Variants in PLCH1 observed in about 807,000 individuals in gnomAD.
The protein encoded by PLCH1 is phospholipase C eta 1.
A neutral mutation model predicts 126.7 loss-of-function variants in PLCH1; 60 were observed. That is an observed-to-expected ratio of 0.47 (90% confidence interval 0.38 to 0.59). The LOEUF is 0.59. Ranked by LOEUF, PLCH1 falls within the 20% of genes least tolerant of loss-of-function variation. The pLI is 0.00. For synonymous variants in PLCH1, 719 were observed against 734.9 expected, an observed-to-expected ratio of 0.98 and a Z score of 0.35; for missense variants, 1,723 against 2,040.0, an observed-to-expected ratio of 0.84 and a Z score of 2.99.
At chr3:155,622,712 T>C (rs1050880462) in intron 2 of PLCH1, among the ~76,000 whole-genome samples, 1 of 152,018 alleles carries the variant, frequency 6.6e-6, no homozygotes, top group Non-Finnish European at 1.5e-5. Context: ...AGAAGAGCTA[T>C]CTATCCTAAA....
intron 7 of PLCH1, 96 bp downstream of exon 7, chr3:155,568,135 G>A (rs951838454): frequency 1.6e-6 from 1 of 627,048 alleles, no homozygotes; most frequent in Non-Finnish European, 2.9e-6. Context: ...TAATCCCATG[G>A]ATATGTCCTG....
At chr3:155,510,271 C>G (rs1305968028) in intron 12 of PLCH1, among the ~76,000 whole-genome samples, 1 of 103,614 alleles carries the variant, frequency 9.7e-6, no homozygotes, top group Non-Finnish European at 1.8e-5. Flanking sequence ...GATGGGTTTC[C>G]TGAATACAGC....
Position 155,506,224 on chromosome 3 carries a change from G to C in PLCH1, c.1633-1598C>G, listed in dbSNP as rs80000273. ...GAAAAGGAAAGCAGAAATACAGAAA[G>C]TTAGATTATATGCCCAAAGTTACAA... is the stretch of plus-strand genomic sequence containing the variant. On this transcript the variant is annotated intron_variant, in intron 12 of 22. Coordinates refer to ENST00000460012, the MANE Select transcript of PLCH1 (RefSeq NM_014996.4). Among the ~76,000 whole-genome samples the C allele has an allele frequency of 6.0e-3, 914 of 152,080 alleles. 9 individuals carry two copies. The highest frequency in any genetic ancestry group is 0.02 in the African/African-American group (849 of 41,516).
rs1371564658 is a variant in PLCH1 at position 155,662,373 on chromosome 3, TAGG to T, written c.79+41770_79+41772del. On this transcript the variant is annotated intron_variant, in intron 2 of 22. Transcript: ENST00000460012. Reference sequence around the variant, plus strand: ...GTTCCAGCTACTTGGGTGGCTGAAGTAGGAGAATAGTTTGAGCCCAGGAGTTAG... The same window carrying T: ...GTTCCAGCTACTTGGGTGGCTGAAGTAGAATAGTTTGAGCCCAGGAGTTAG... Among the ~76,000 whole-genome samples, 12 of 152,028 alleles carry T rather than the reference TAGG, an allele frequency of 7.9e-5. No homozygotes were observed. The East Asian group carries it at 2.1e-3, about 27-fold the overall frequency.
intron 21 of PLCH1, among the ~76,000 whole-genome samples, chr3:155,465,218 G>A (rs1341260181): frequency 6.6e-6 from 1 of 152,100 alleles, no homozygotes; most frequent in Non-Finnish European, 1.5e-5. Context: ...TCTCCTCAAG[G>A]CAGAGTTAAC....
chr3:155,649,111 G>A (rs1262559503), intron 2 of PLCH1, among the ~76,000 whole-genome samples: 1 of 152,222 alleles, frequency 6.6e-6, no homozygotes, highest in East Asian at 1.9e-4. Flanking sequence ...GGGCAAGAGG[G>A]GGGCTCAGAG....
intron 2 of PLCH1, among the ~76,000 whole-genome samples, chr3:155,658,917 G>C (rs1019526689): frequency 9.2e-5 from 14 of 152,180 alleles, no homozygotes; most frequent in African/African-American, 3.4e-4. Context: ...AAGTAATTAA[G>C]AAGTTAATCT....
downstream of PLCH1, among the ~76,000 whole-genome samples, chr3:155,476,652 TGA>T (rs1391751430): frequency 6.6e-6 from 1 of 151,942 alleles, no homozygotes; most frequent in East Asian, 1.9e-4. Context: ...ATGTCAACAG[TGA>T]ACAATGTGAA....
chr3:155,664,211 G>A (rs917236110), intron 2 of PLCH1, among the ~76,000 whole-genome samples: 2 of 152,164 alleles, frequency 1.3e-5, no homozygotes, highest in Non-Finnish European at 2.9e-5. Flanking sequence ...TGGCTAGTTC[G>A]CTATTCCACA....
chr3:155,579,288 A>G (rs1489588838), intron 6 of PLCH1, among the ~76,000 whole-genome samples: 3 of 152,238 alleles, frequency 2.0e-5, no homozygotes, highest in African/African-American at 7.2e-5. Flanking sequence ...ATGTGCGGAT[A>G]CTTGCCCACT....
intron 2 of PLCH1, among the ~76,000 whole-genome samples, chr3:155,610,377 A>AAAAAAAAT (rs1734906888): frequency 6.7e-6 from 1 of 149,518 alleles, no homozygotes; most frequent in Non-Finnish European, 1.5e-5. Context: ...AAAAAAAAAA[A>AAAAAAAAT]AAAAAAAAAA....
At chr3:155,673,941 T>C (rs1344164645) in intron 2 of PLCH1, among the ~76,000 whole-genome samples, 2 of 152,222 alleles carry the variant, frequency 1.3e-5, no homozygotes, top group East Asian at 3.8e-4. Context: ...ATTATCCTTA[T>C]TTGTACAACT....
At chr3:155,670,176 G>C (rs1743264628) in intron 2 of PLCH1, among the ~76,000 whole-genome samples, 1 of 152,178 alleles carries the variant, frequency 6.6e-6, no homozygotes, top group African/African-American at 2.4e-5. Flanking sequence ...GGCAAATGAT[G>C]AGCTCAGACA....
At chr3:155,455,647 C>T (rs988184137) in intron 21 of PLCH1, among the ~76,000 whole-genome samples, 1 of 152,150 alleles carries the variant, frequency 6.6e-6, no homozygotes, top group African/African-American at 2.4e-5. Context: ...AACTGGAAAG[C>T]ATACAGAAGC....
At chr3:155,630,474 T>C (rs1419189445) in intron 2 of PLCH1, among the ~76,000 whole-genome samples, 1 of 152,228 alleles carries the variant, frequency 6.6e-6, no homozygotes, top group Non-Finnish European at 1.5e-5. Context: ...AGTCAAAATA[T>C]CTTCCAGAAC....
intron 21 of PLCH1, chr3:155,486,093 A>G: frequency 9.1e-7 from 1 of 1,096,684 alleles, no homozygotes; most frequent in South Asian, 1.4e-5. Context: ...TGCTGCCATA[A>G]CCACTTAAAA....
rs115675653 is a variant in PLCH1 at position 155,514,712 on chromosome 3, G to A, written c.1632+11C>T. ...CCTGTTGAAGGATAAGTACAAGAGGGAATCAGATACCTGCTTCAGGTGTGC... is the reference window on the plus strand; with the variant it reads ...CCTGTTGAAGGATAAGTACAAGAGGAAATCAGATACCTGCTTCAGGTGTGC... On this transcript the variant is annotated intron_variant, in intron 12 of 22. Transcript: ENST00000460012. 2,580 of 1,511,924 alleles carry A rather than the reference G, an allele frequency of 1.7e-3. 34 individuals carry two copies. In the African/African-American group the frequency reaches 0.03, roughly 18 times the overall value. The allele number at this position is 1,511,924 out of a possible 1,614,324, so 93.7% of individuals were successfully genotyped here.
At chr3:155,534,672 T>C (rs937348344) in intron 10 of PLCH1, among the ~76,000 whole-genome samples, 4 of 152,186 alleles carry the variant, frequency 2.6e-5, no homozygotes, top group Non-Finnish European at 4.4e-5. Context: ...CACCCAAATA[T>C]CATCTTGAAT....
chr3:155,574,465 C>T (rs917313665), intron 6 of PLCH1, among the ~76,000 whole-genome samples: 4 of 152,166 alleles, frequency 2.6e-5, no homozygotes, highest in African/African-American at 9.7e-5. Flanking sequence ...GATTGAATTT[C>T]AGTGCTCTGG....
Sources: gnomAD v4.1 joint callset for allele counts (sites outside exome capture counted in the v4.1 genomes callset) on GRCh38, gnomAD v4.1.1 for gene constraint, MANE v1.5 for transcripts, NCBI Gene and HGNC (gene_info 2026-07-23, HGNC 2026-07-21) for gene names.